Variants in NT5C1A observed in about 807,000 individuals in gnomAD.
NT5C1A encodes 5'-nucleotidase, cytosolic IA, also known as cytosolic 5'-nucleotidase 1A.
Under a neutral mutation model 31.0 loss-of-function variants are expected in NT5C1A, and 18 were observed. The ratio of observed to expected loss-of-function variants is 0.58; its 90% CI spans 0.40 to 0.86. The LOEUF is 0.86. NT5C1A is among the 40% of genes least tolerant of loss of function. NT5C1A has a pLI of 0.00. For missense variants in NT5C1A, 470 were observed against 505.4 expected (o/e 0.93, Z 0.67); for synonymous variants, 185 against 203.6 (o/e 0.91, Z 0.78).
chr1:39,669,161 AG>A (rs1281355731), intron 1 of NT5C1A, among the ~76,000 whole-genome samples: 1 of 152,194 alleles, frequency 6.6e-6, no homozygotes, highest in Non-Finnish European at 1.5e-5. Context: ...CCAGGAAACC[AG>A]GGTGCTGGCA....
intron 1 of NT5C1A, among the ~76,000 whole-genome samples, chr1:39,669,475 C>G (rs1267953732): frequency 6.6e-6 from 1 of 152,184 alleles, no homozygotes. Context: ...TTTACTCAGG[C>G]CCCTGGGAAT....
At chr1:39,666,278 C>A in intron 1 of NT5C1A, 42 bp from the exon 2 acceptor site, 3 of 1,597,640 alleles carry the variant, frequency 1.9e-6, no homozygotes, top group Non-Finnish European at 2.6e-6. Flanking sequence ...CAGATGACTG[C>A]CCCTGAGGCA....
intron 1 of NT5C1A, 96 bp downstream of exon 1, chr1:39,671,808 C>G: frequency 6.8e-7 from 1 of 1,469,816 alleles, no homozygotes; most frequent in Non-Finnish European, 9.3e-7. Context: ...CGTCCCCTCC[C>G]AGAGGGGCGC....
Position 39,661,418 on chromosome 1 carries a change from A to G in NT5C1A, c.557-155T>C, listed in dbSNP as rs546894717. On this transcript the variant is annotated intron_variant, in intron 4 of 5. Coordinates refer to ENST00000235628, the MANE Select transcript of NT5C1A (RefSeq NM_032526.3). ...TAAAACTTGTAAAAACTGGTAGTGCATGGATCCTGGCCAAGAAGAGGGCAG... is the reference window on the plus strand; with the variant it reads ...TAAAACTTGTAAAAACTGGTAGTGCGTGGATCCTGGCCAAGAAGAGGGCAG... 6.1e-4 allele frequency among the ~76,000 whole-genome samples: 93 copies of G among 152,314 alleles called. 1 individual carries two copies. The South Asian group carries it at 0.019, about 31-fold the overall frequency.
In NT5C1A at chr1:39,651,278, C is replaced by T. The variant is rs1646430779; in HGVS notation, c.*7843G>A. 6.6e-6 allele frequency among the ~76,000 whole-genome samples: 1 copy of T among 152,200 alleles called. No individual in the cohort carries two copies. The highest frequency in any genetic ancestry group is 1.5e-5 in the Non-Finnish European group (1 of 68,038). ...TTGAATGGCTTTTAAGAAGCAGAAG[C>T]ACATGTGGTAAAATTAAGGTATAGG... On this transcript the variant is annotated 3_prime_UTR_variant, in exon 6 of 6. Coordinates refer to ENST00000235628, the MANE Select transcript of NT5C1A (RefSeq NM_032526.3).
At chr1:39,662,977 A>G (rs1385837610) in intron 4 of NT5C1A, among the ~76,000 whole-genome samples, 1 of 152,196 alleles carries the variant, frequency 6.6e-6, no homozygotes, top group African/African-American at 2.4e-5. Context: ...ATGGTCCTAC[A>G]GGAATCAGAA....
Position 39,667,788 on chromosome 1 carries a change from ATGGAAATATTCCATAATC to A in NT5C1A, c.136-1570_136-1553del, listed in dbSNP as rs1331500325. Among the ~76,000 whole-genome samples the A allele has an allele frequency of 3.9e-5, 6 of 152,256 alleles. No homozygotes were observed. In the East Asian group the frequency reaches 1.2e-3, roughly 29 times the overall value. On this transcript the variant is annotated intron_variant, in intron 1 of 5. Transcript: ENST00000235628. ...ATGTCCAATGGAACTTTCTATGATA[ATGGAAATATTCCATAATC>A]TGTGCTCTCCCTGTGGCTGTGGAAC...
chr1:39,671,684 G>T (rs1035600777), intron 1 of NT5C1A, among the ~76,000 whole-genome samples: 3 of 152,152 alleles, frequency 2.0e-5, no homozygotes, highest in African/African-American at 4.8e-5. Flanking sequence ...GCATGGGGGA[G>T]GGGGAGCCTG....
rs535766389 is a variant in NT5C1A, at chr1:39,658,231, G to A, written c.*890C>T. ...CTGCAGTGCCCCCTGCTGGCTGGAG[G>A]AGAGTTTGTATGCGTGTCCAATTCA... On this transcript the variant is annotated 3_prime_UTR_variant, in exon 6 of 6. Transcript: ENST00000235628. 3.3e-5 allele frequency among the ~76,000 whole-genome samples: 5 copies of A among 152,338 alleles called. No individual in the cohort carries two copies. In the South Asian group the frequency reaches 1.0e-3, roughly 32 times the overall value.
rs954613562 is a variant in NT5C1A, at chr1:39,665,767, A to G, written c.304-117T>C. 3.0e-5 allele frequency: 31 copies of G among 1,030,146 alleles called. No homozygotes were observed. The Admixed American group carries it at 4.5e-4, about 15-fold the overall frequency. The allele number at this position is 1,030,146 out of a possible 1,614,324, so 63.8% of individuals were successfully genotyped here. ...CATGCTTGGGATGAGATAAGTGCAC[A>G]TGAACTACCTTCTCCTAATGCAAGT... On this transcript the variant is annotated intron_variant, in intron 2 of 5. Coordinates refer to ENST00000235628, the MANE Select transcript of NT5C1A (RefSeq NM_032526.3).
In NT5C1A at chr1:39,670,148, C is replaced by G. The variant is rs907339232; in HGVS notation, c.135+1756G>C. On this transcript the variant is annotated intron_variant, in intron 1 of 5. Transcript: ENST00000235628. Reference sequence around the variant, plus strand: ...TTATTATAAAGTCAACCAATGAAAACAACACAGTTGTTTGCATGACAACAA... The same window carrying G: ...TTATTATAAAGTCAACCAATGAAAAGAACACAGTTGTTTGCATGACAACAA... Among the ~76,000 whole-genome samples, 33 of 152,076 alleles carry G rather than the reference C, an allele frequency of 2.2e-4. 1 individual carries two copies. Among genetic ancestry groups the G allele is most frequent in the African/African-American group, 8.0e-4 (33 of 41,408 alleles).
chr1:39,664,143 CTTTTTCTT>C (rs1646505748), intron 3 of NT5C1A, among the ~76,000 whole-genome samples: 1 of 151,930 alleles, frequency 6.6e-6, no homozygotes, highest in Non-Finnish European at 1.5e-5. Flanking sequence ...TAGGTGTATT[CTTTTTCTT>C]TCTTTCTTTT....
Position 39,659,283 on chromosome 1 carries a change from G to A in NT5C1A, c.945C>T (p.Gly315=), listed in dbSNP as rs1646478273. 3.7e-6 allele frequency: 6 copies of A among 1,614,090 alleles called. No homozygotes were observed. The highest frequency in any genetic ancestry group is 5.1e-6 in the Non-Finnish European group (6 of 1,180,046). The change falls in exon 6 of 6, where the codon GGC becomes GGT. Residue 315 remains glycine, a synonymous_variant. Transcript: ENST00000235628. ...GTGGGCGGATCTTCTCAAGGAGAGG[G>A]CCCTTGGGCGCTCCAGCAAGGAACA... is the stretch of plus-strand genomic sequence containing the variant. ...EALFLAGAPK[G]PLLEKIRPHI... is the part of the protein sequence containing the mutation.
rs931618746 is a variant in NT5C1A at position 39,659,440 on chromosome 1, T to A, written c.788A>T (p.Lys263Met). The change falls in exon 6 of 6, where the codon AAG becomes ATG. Residue 263 changes from lysine (K) to methionine (M), a missense_variant. Coordinates refer to ENST00000235628, the MANE Select transcript of NT5C1A (RefSeq NM_032526.3). The part of the protein sequence containing the change: ...FLEALGRLQK[K>M]FYSKGLRLEC... ...CAGCCGCAGGCCTTTGGAGTAGAACTTCTTCTGCAACCTACCCAGTGCCTC... is the reference window on the plus strand; with the variant it reads ...CAGCCGCAGGCCTTTGGAGTAGAACATCTTCTGCAACCTACCCAGTGCCTC... The A allele has an allele frequency of 2.2e-5, 36 of 1,605,712 alleles. No homozygotes were observed. Among genetic ancestry groups the A allele is most frequent in the Non-Finnish European group, 3.0e-5 (35 of 1,174,842 alleles).
In NT5C1A at chr1:39,666,206, C is replaced by G. The variant is rs1378984458; in HGVS notation, c.166G>C (p.Val56Leu). The G allele has an allele frequency of 1.2e-6, 2 of 1,613,406 alleles. No individual in the cohort carries two copies. Among genetic ancestry groups the G allele is most frequent in the Non-Finnish European group, 1.7e-6 (2 of 1,179,968 alleles). The change falls in exon 2 of 6, where the codon GTG becomes CTG. Residue 56 changes from valine to leucine, a missense_variant. By Grantham distance (32) the Val-to-Leu change is conservative. Transcript: ENST00000235628. ...PKPQNAVTIA[V>L]SSRALFRMDE... ...ATGCGAAACAAGGCTCGGGAGGACA[C>G]AGCGATGGTGACTGCATTCTGAGGC...
At position 39,662,390 on chromosome 1, in the gene NT5C1A, C is replaced by T. The variant is rs566179310; in HGVS notation, c.556+922G>A. ...TCCCCGTGGACCATTCTCCTGCTCC[C>T]TAGCCTGAGGTCAAGTTACAAACAC... On this transcript the variant is annotated intron_variant, in intron 4 of 5. Coordinates refer to ENST00000235628, the MANE Select transcript of NT5C1A (RefSeq NM_032526.3). Among the ~76,000 whole-genome samples, 15 of 152,306 alleles carry T rather than the reference C, an allele frequency of 9.8e-5. 1 individual carries two copies. The highest frequency in any genetic ancestry group is 1.3e-4 in the Non-Finnish European group (9 of 68,020).
chr1:39,666,399 C>T (rs770576477), intron 1 of NT5C1A, among the ~76,000 whole-genome samples, 163 bp from the exon 2 acceptor site: 59 of 152,192 alleles, frequency 3.9e-4, no homozygotes, highest in Non-Finnish European at 6.6e-4. Context: ...GTCAGGACCC[C>T]ATCTATGACG....
In NT5C1A at chr1:39,659,295, T is replaced by G. The variant is rs751735412; in HGVS notation, c.933A>C (p.Gly311=). The G allele has an allele frequency of 6.2e-7, 1 of 1,614,046 alleles. No individual in the cohort carries two copies. Among genetic ancestry groups the G allele is most frequent in the East Asian group, 2.2e-5 (1 of 44,880 alleles). ...TCTCAAGGAGAGGGCCCTTGGGCGC[T>G]CCAGCAAGGAACAAGGCTTCATCTG... ...LETDEALFLA[G]APKGPLLEKI... The change falls in exon 6 of 6, where the codon GGA becomes GGC. Residue 311 remains glycine, a synonymous_variant. Transcript: ENST00000235628.
In NT5C1A at chr1:39,654,631, C is replaced by T. The variant is rs563751548; in HGVS notation, c.*4490G>A. ...CTGCAAATTACCATGAGCCATGGGT[C>T]GCTTGAAAATAGTCAAAACTTGGAA... On this transcript the variant is annotated 3_prime_UTR_variant, in exon 6 of 6. Transcript: ENST00000235628. Among the ~76,000 whole-genome samples the T allele has an allele frequency of 1.1e-4, 16 of 152,312 alleles. No individual in the cohort carries two copies. The South Asian group carries it at 2.3e-3, about 22-fold the overall frequency.
Sources: allele counts gnomAD v4.1 joint callset (sites outside exome capture counted in the v4.1 genomes callset), GRCh38; gene constraint gnomAD v4.1.1; transcripts MANE v1.5; gene names NCBI Gene and HGNC (gene_info 2026-07-23, HGNC 2026-07-21).